The following C3orf18 variants were observed in gnomAD, a reference collection of about 807,000 sequenced individuals.
C3orf18 encodes the protein chromosome 3 open reading frame 18, also known as uncharacterized protein C3orf18.
In C3orf18, 12 loss-of-function variants were observed where a neutral mutation model predicts 14.1. The ratio of observed to expected loss-of-function variants is 0.85; its 90% CI spans 0.55 to 1.38. The LOEUF (loss-of-function observed/expected upper bound fraction) is 1.38. C3orf18 is among the 40% of genes most tolerant of loss of function. The probability of loss-of-function intolerance (pLI) is 0.00; values close to 1 mark genes in which losing one functional copy is unlikely to be tolerated. For missense variants in C3orf18, 196 were observed against 213.9 expected (o/e 0.92, Z 0.52); for synonymous variants, 82 against 87.9 (o/e 0.93, Z 0.38).
chr3:50,572,279 C>T, upstream of C3orf18: 3 of 1,550,808 alleles, frequency 1.9e-6, no homozygotes, highest in South Asian at 3.5e-5. Context: ...TTACCCCAGG[C>T]TTCCTCCAGG....
At chr3:50,561,983 T>A in intron 3 of C3orf18, 1 of 602,156 alleles carries the variant, frequency 1.7e-6, no homozygotes, top group South Asian at 2.0e-5. Context: ...CACTGCAACC[T>A]TCGCCTCCAA....
upstream of C3orf18, chr3:50,571,343 G>C: frequency 6.4e-7 from 1 of 1,560,090 alleles, no homozygotes; most frequent in Non-Finnish European, 8.7e-7. Context: ...GTTAAGTTTA[G>C]TGTTGTCAAG....
intron 3 of C3orf18, among the ~76,000 whole-genome samples, chr3:50,562,841 A>AT (rs1211075143): frequency 6.6e-6 from 1 of 152,168 alleles, no homozygotes; most frequent in African/African-American, 2.4e-5. Flanking sequence ...AACCTTGAAG[A>AT]TGAGGGCCTA....
Position 50,558,709 on chromosome 3 carries a change from G to A in C3orf18, c.*948C>T, listed in dbSNP as rs140304595. 1.3e-4 allele frequency: 163 copies of A among 1,289,398 alleles called. No homozygotes were observed. In the African/African-American group the frequency reaches 2.2e-3, roughly 17 times the overall value. The allele number at this position is 1,289,398 out of a possible 1,614,324, so 79.9% of individuals were successfully genotyped here. On this transcript the variant is annotated 3_prime_UTR_variant, in exon 6 of 6. Coordinates refer to ENST00000357203, the MANE Select transcript of C3orf18 (RefSeq NM_016210.5). ...CCGTTTTCAGAAGCAGGTGAGCCCA[G>A]TGAAACAATGCAGTGGAGAGAGGAA...
chr3:50,570,894 A>G, upstream of C3orf18: 2 of 468,340 alleles, frequency 4.3e-6, no homozygotes, highest in Non-Finnish European at 7.6e-6. Flanking sequence ...GGTGTCATAC[A>G]AGGCTCACCT....
At chr3:50,567,271 C>T (rs1053386219) in intron 1 of C3orf18, among the ~76,000 whole-genome samples, 192 bp downstream of exon 1, 2 of 152,186 alleles carry the variant, frequency 1.3e-5, no homozygotes, top group African/African-American at 4.8e-5. Flanking sequence ...TGACCACTTT[C>T]CAGGCCTGCC....
chr3:50,565,239 C>A lies in C3orf18; in HGVS notation c.234+227G>T. 1.9e-6 allele frequency: 1 copy of A among 531,628 alleles called. No homozygotes were observed. The highest frequency in any genetic ancestry group is 3.4e-6 in the Non-Finnish European group (1 of 296,594). The allele number at this position is 531,628 out of a possible 1,614,324, so 32.9% of individuals were successfully genotyped here. A position where few individuals can be genotyped will look rare whatever the true frequency, so the allele number is the denominator to read the frequency against. On this transcript the variant is annotated intron_variant, in intron 3 of 5. Transcript: ENST00000357203. This position sits in a 1 kb window ranked among gnomAD's most constrained non-coding sequence, Gnocchi z 4.4. ...AAAATTAGCCGGGCGTGGCAGCTCA[C>A]ACCTGTAATCCCAGCTACTTGGGAG...
chr3:50,571,196 C>T, upstream of C3orf18: 1 of 1,613,832 alleles, frequency 6.2e-7, no homozygotes, highest in Non-Finnish European at 8.5e-7. Flanking sequence ...TCATGGCAAC[C>T]CCAACCACCT....
upstream of C3orf18, chr3:50,571,522 C>A (rs1700955649): frequency 2.9e-6 from 2 of 690,874 alleles, no homozygotes; most frequent in African/African-American, 1.8e-5. Context: ...CCTAAGTGTT[C>A]TGGGATAGAC....
intron 5 of C3orf18, 29 bp downstream of exon 5, chr3:50,560,888 G>A: frequency 6.3e-7 from 1 of 1,581,810 alleles, no homozygotes; most frequent in South Asian, 1.1e-5. Context: ...GATGCTGCAG[G>A]CGGGGTGGGG....
chr3:50,563,873 C>T (rs775627969), intron 3 of C3orf18, among the ~76,000 whole-genome samples: 3 of 152,252 alleles, frequency 2.0e-5, no homozygotes, highest in Non-Finnish European at 2.9e-5. Context: ...CTGAAAGTAA[C>T]GAGGGCAGTT....
At chr3:50,571,920 G>A (rs1426232766), upstream of C3orf18, 15 of 1,295,076 alleles carry the variant, frequency 1.2e-5, no homozygotes, top group African/African-American at 2.9e-5. Flanking sequence ...GTGTTGGGGT[G>A]CAGGAGTGGC....
intron 5 of C3orf18, among the ~76,000 whole-genome samples, chr3:50,560,708 C>T (rs1699912700): frequency 6.6e-6 from 1 of 152,268 alleles, no homozygotes; most frequent in Non-Finnish European, 1.5e-5. Context: ...TATCCCAGGA[C>T]TGCCTTGGCC....
rs202022821 is a variant in C3orf18 at position 50,565,722 on chromosome 3, C to G, written c.-23G>C. ...CATGCTGATGCGGAGAGGGCCCTGGCTGAGAGGCTGCCTGATGCCAGTCAA... is the reference window on the plus strand; with the variant it reads ...CATGCTGATGCGGAGAGGGCCCTGGGTGAGAGGCTGCCTGATGCCAGTCAA... On this transcript the variant is annotated 5_prime_UTR_variant, in exon 3 of 6. Coordinates refer to ENST00000357203, the MANE Select transcript of C3orf18 (RefSeq NM_016210.5). This position sits in a 1 kb window ranked among gnomAD's most constrained non-coding sequence, Gnocchi z 4.4. The G allele has an allele frequency of 1.7e-5, 27 of 1,572,108 alleles. No homozygotes were observed. The African/African-American group carries it at 3.2e-4, about 19-fold the overall frequency.
upstream of C3orf18, chr3:50,572,058 A>G (rs1701038946): frequency 6.2e-7 from 1 of 1,609,688 alleles, no homozygotes; most frequent in Non-Finnish European, 8.5e-7. Flanking sequence ...CAACCCAGGC[A>G]TGGTCCTGTT....
chr3:50,561,373 G>A (rs1224982240), intron 4 of C3orf18, among the ~76,000 whole-genome samples: 2 of 152,212 alleles, frequency 1.3e-5, no homozygotes, highest in African/African-American at 4.8e-5. Flanking sequence ...CAGCGTCTGA[G>A]TCTCAGGTGG....
Position 50,565,304 on chromosome 3 carries a change from T to C in C3orf18, c.234+162A>G. On this transcript the variant is annotated intron_variant, in intron 3 of 5. Transcript: ENST00000357203. The surrounding 1 kb of genome is among the most constrained non-coding windows in gnomAD (Gnocchi z 4.4). Reference sequence around the variant, plus strand: ...CTCGATTAAGCCCCAGAGGTGGAGGTTGCAGTGAGCTGAGATCAAGCCATT... The same window carrying C: ...CTCGATTAAGCCCCAGAGGTGGAGGCTGCAGTGAGCTGAGATCAAGCCATT... The C allele has an allele frequency of 4.9e-6, 3 of 616,130 alleles. No individual in the cohort carries two copies. The highest frequency in any genetic ancestry group is 3.9e-5 in the South Asian group (2 of 51,832). The allele number at this position is 616,130 out of a possible 1,614,324, so 38.2% of individuals were successfully genotyped here.
chr3:50,569,924 T>G (rs1700728724), upstream of C3orf18: 3 of 152,172 alleles, frequency 2.0e-5, no homozygotes, highest in Admixed American at 2.0e-4. Flanking sequence ...AACTTCCGCC[T>G]GCTTGAACTG....
chr3:50,565,251 C>T lies in C3orf18; in HGVS notation c.234+215G>A, dbSNP rs1377444381. ...GCGTGGCAGCTCACACCTGTAATCC[C>T]AGCTACTTGGGAGGCTGAGGCAGGA... On this transcript the variant is annotated intron_variant, in intron 3 of 5. Coordinates refer to ENST00000357203, the MANE Select transcript of C3orf18 (RefSeq NM_016210.5). This position sits in a 1 kb window ranked among gnomAD's most constrained non-coding sequence, Gnocchi z 4.4. The T allele has an allele frequency of 1.8e-6, 1 of 549,250 alleles. No individual in the cohort carries two copies. 34.0% of individuals were successfully genotyped at this position (549,250 alleles called of 1,614,324 possible).
Sources: gnomAD v4.1 joint callset for allele counts (sites outside exome capture counted in the v4.1 genomes callset) on GRCh38, gnomAD v4.1.1 for gene constraint, Gnocchi (gnomAD v3.1) non-coding constraint, MANE v1.5 for transcripts, NCBI Gene and HGNC (gene_info 2026-07-23, HGNC 2026-07-21) for gene names.